PARVA: variants seen among roughly 807,000 people sequenced by gnomAD.
PARVA encodes the protein alpha-parvin.
In PARVA, 25 loss-of-function variants were observed where a neutral mutation model predicts 52.6. The observed-to-expected ratio is 0.48, with a 90% confidence interval of 0.35 to 0.66. The LOEUF (loss-of-function observed/expected upper bound fraction) is 0.66. PARVA is among the 30% of genes least tolerant of loss of function. The pLI is 0.01. For synonymous variants in PARVA, 185 were observed against 179.1 expected, an observed-to-expected ratio of 1.03 and a Z score of -0.26; for missense variants, 373 against 450.9, an observed-to-expected ratio of 0.83 and a Z score of 1.56.
chr11:12,471,557 G>A (rs11022364), intron 1 of PARVA, among the ~76,000 whole-genome samples: 4,224 of 151,080 alleles, frequency 0.028, 65 homozygotes, highest in Middle Eastern at 0.082. Flanking sequence ...AATTTGCAGC[G>A]ACGTGGATGG....
At chr11:12,518,157 A>T (rs928603649) in intron 11 of PARVA, among the ~76,000 whole-genome samples, 10 of 152,220 alleles carry the variant, frequency 6.6e-5, no homozygotes, top group African/African-American at 2.4e-4. Context: ...ATTCTTCCAG[A>T]CGTGTGCACT....
rs1183030895 is a variant in PARVA at position 12,532,261 on chromosome 11, A to G, written c.*4336A>G. 6.6e-6 allele frequency among the ~76,000 whole-genome samples: 1 copy of G among 152,084 alleles called. No individual in the cohort carries two copies. Among genetic ancestry groups the G allele is most frequent in the African/African-American group, 2.4e-5 (1 of 41,406 alleles). On this transcript the variant is annotated 3_prime_UTR_variant, in exon 13 of 13. Coordinates refer to ENST00000334956, the MANE Select transcript of PARVA (RefSeq NM_018222.5). ...CAGGATATTAGTAAATGTTAGATGA[A>G]AAAAAAAGTCACGTTTAAATATGTT... is the stretch of plus-strand genomic sequence containing the variant.
intron 12 of PARVA, among the ~76,000 whole-genome samples, chr11:12,519,013 G>A (rs1022712571): frequency 6.6e-6 from 1 of 152,218 alleles, no homozygotes; most frequent in Non-Finnish European, 1.5e-5. Flanking sequence ...ATGCAGAAGG[G>A]ACAAGTGCTT....
chr11:12,464,533 A>G (rs906916218), intron 1 of PARVA, among the ~76,000 whole-genome samples: 2 of 152,218 alleles, frequency 1.3e-5, no homozygotes, highest in Non-Finnish European at 2.9e-5. Flanking sequence ...GGTCTTATAG[A>G]GTCATCTCAT....
chr11:12,517,561 T>C (rs1281753398), intron 10 of PARVA, 49 bp from the exon 11 acceptor site: 12 of 1,365,180 alleles, frequency 8.8e-6, no homozygotes, highest in Middle Eastern at 4.0e-4. Flanking sequence ...TGGATGGGGA[T>C]TGGCTGGGAG....
At chr11:12,432,218 A>T (rs904492971) in intron 1 of PARVA, among the ~76,000 whole-genome samples, 1 of 152,208 alleles carries the variant, frequency 6.6e-6, no homozygotes, top group African/African-American at 2.4e-5. Context: ...TTGCTCACAC[A>T]TGTTAAAGAA....
chr11:12,457,548 T>A (rs890163514), intron 1 of PARVA, among the ~76,000 whole-genome samples: 2 of 152,216 alleles, frequency 1.3e-5, no homozygotes, highest in African/African-American at 4.8e-5. Context: ...GCCTTCCCCA[T>A]TCCAGCTTCT....
At chr11:12,460,779 G>A (rs1456883033) in intron 1 of PARVA, among the ~76,000 whole-genome samples, 1 of 152,122 alleles carries the variant, frequency 6.6e-6, no homozygotes, top group East Asian at 1.9e-4. Context: ...TAGACATGAA[G>A]GTCAAAGAGC....
In PARVA at chr11:12,508,639, CAG is replaced by C. The variant is rs775033495; in HGVS notation, c.716_716+1del. 6.2e-7 allele frequency: 1 copy of C among 1,601,920 alleles called. No individual in the cohort carries two copies. The highest frequency in any genetic ancestry group is 8.5e-7 in the Non-Finnish European group (1 of 1,171,734). On this transcript the variant is annotated frameshift_variant and splice_region_variant, in exon 7 of 13. Coordinates refer to ENST00000334956, the MANE Select transcript of PARVA (RefSeq NM_018222.5). LOFTEE classifies it high-confidence loss of function. ...ATCCAAGAGGAAATAACTGGTAACA[CAG>C]AGTATGTCAACACCATTGTTGCCAG...
chr11:12,457,540 C>T (rs569755672), intron 1 of PARVA, among the ~76,000 whole-genome samples: 1 of 152,344 alleles, frequency 6.6e-6, no homozygotes, highest in South Asian at 2.1e-4. Flanking sequence ...GTTCCTCAGC[C>T]TTCCCCATTC....
chr11:12,485,047 C>T (rs1000527299), intron 4 of PARVA, among the ~76,000 whole-genome samples: 5 of 152,052 alleles, frequency 3.3e-5, no homozygotes, highest in Admixed American at 3.3e-4. Context: ...CTACTGGGCT[C>T]AAATGATTCA....
intron 1 of PARVA, among the ~76,000 whole-genome samples, chr11:12,392,969 C>T (rs1445247598): frequency 1.5e-5 from 2 of 132,382 alleles, no homozygotes; most frequent in African/African-American, 2.9e-5. Context: ...AAAATTGTTA[C>T]AATCCCATTA....
At chr11:12,381,294 T>C (rs1939482574) in intron 1 of PARVA, among the ~76,000 whole-genome samples, 1 of 152,220 alleles carries the variant, frequency 6.6e-6, no homozygotes, top group African/African-American at 2.4e-5. Context: ...CTCACAGCTT[T>C]GTGCTCTGTA....
chr11:12,446,216 G>C (rs1183789706), intron 1 of PARVA, among the ~76,000 whole-genome samples: 4 of 152,130 alleles, frequency 2.6e-5, no homozygotes, highest in African/African-American at 9.7e-5. Flanking sequence ...GACTTCATTG[G>C]ACAGATGGTC....
chr11:12,488,060 A>G (rs1288890377), intron 4 of PARVA, among the ~76,000 whole-genome samples: 1 of 152,230 alleles, frequency 6.6e-6, no homozygotes, highest in Admixed American at 6.5e-5. Context: ...CATTTGATAC[A>G]TATTTGAACA....
Position 12,486,546 on chromosome 11 carries a change from A to AAAAAT in PARVA, c.400+8611_400+8615dup, listed in dbSNP as rs1388125392. ...GAAACTCTGTCTCAAAAATAAAAAT[A>AAAAAT]AAAATAAAATAAAATAAAGCTGGGT... On this transcript the variant is annotated intron_variant, in intron 4 of 12. Coordinates refer to ENST00000334956, the MANE Select transcript of PARVA (RefSeq NM_018222.5). 4.6e-5 allele frequency among the ~76,000 whole-genome samples: 7 copies of AAAAAT among 152,056 alleles called. No homozygotes were observed. The East Asian group carries it at 7.7e-4, about 17-fold the overall frequency.
intron 1 of PARVA, among the ~76,000 whole-genome samples, chr11:12,379,699 A>G (rs1321785252): frequency 1.3e-5 from 2 of 152,236 alleles, no homozygotes; most frequent in African/African-American, 4.8e-5. Context: ...GCTGAGGATT[A>G]TCAGACTTGA....
intron 12 of PARVA, among the ~76,000 whole-genome samples, chr11:12,521,391 C>T (rs1941634678): frequency 6.6e-6 from 1 of 152,226 alleles, no homozygotes; most frequent in Non-Finnish European, 1.5e-5. Flanking sequence ...GGATGTAGAG[C>T]AACAGAAACT....
In PARVA at chr11:12,494,230, C is replaced by T. The variant is rs533882167; in HGVS notation, c.401-2228C>T. Among the ~76,000 whole-genome samples the T allele has an allele frequency of 3.9e-5, 6 of 152,312 alleles. No individual in the cohort carries two copies. In the East Asian group the frequency reaches 5.8e-4, roughly 15 times the overall value. ...AACCAGGAAGCTCTCTGAACATTTT[C>T]GGCCAGAGTTTTTATGAAGTGTCAT... On this transcript the variant is annotated intron_variant, in intron 4 of 12. Transcript: ENST00000334956.
Sources: allele counts gnomAD v4.1 joint callset (sites outside exome capture counted in the v4.1 genomes callset), GRCh38; gene constraint gnomAD v4.1.1; transcripts MANE v1.5; gene names NCBI Gene and HGNC (gene_info 2026-07-23, HGNC 2026-07-21).